RAB12: variants seen among roughly 807,000 people sequenced by gnomAD.
RAB12 encodes RAB12, member RAS oncogene family, also known as ras-related protein Rab-12.
A neutral mutation model predicts 28.4 loss-of-function variants in RAB12; 11 were observed. That is an observed-to-expected ratio of 0.39 (90% CI 0.24 to 0.64). RAB12 has a LOEUF of 0.64. RAB12 is among the 30% of genes least tolerant of loss of function. The pLI, the probability that RAB12 is intolerant of heterozygous loss-of-function variation, is 0.50. For missense variants in RAB12, 276 were observed against 351.1 expected, an observed-to-expected ratio of 0.79 and a Z score of 1.71; for synonymous variants, 138 against 145.3, an observed-to-expected ratio of 0.95 and a Z score of 0.36.
In RAB12 at chr18:8,609,642, A is replaced by G. The variant is rs2096002510; in HGVS notation, c.203A>G (p.Glu68Gly). 1 of 673,046 alleles carries G rather than the reference A, an allele frequency of 1.5e-6. No individual in the cohort carries two copies. Among genetic ancestry groups the G allele is most frequent in the Admixed American group, 6.6e-5 (1 of 15,208 alleles). The allele number at this position is 673,046 out of a possible 1,614,324, so 41.7% of individuals were successfully genotyped here. A position where few individuals can be genotyped will look rare whatever the true frequency, so the allele number is the denominator to read the frequency against. ...EPGADPPRAA[E>G]AEGAPGPGAR... ...GGGGCCGACCCCCCGCGCGCGGCGG[A>G]GGCCGAGGGGGCGCCGGGGCCCGGG... Residue 68 changes from glutamate to glycine, a missense_variant, in exon 1 of 6, where the codon GAG becomes GGG. By Grantham distance (98) the Glu-to-Gly change is moderately conservative. Coordinates refer to ENST00000649141, the MANE Select transcript of RAB12 (RefSeq NM_001025300.3).
intron 3 of RAB12, among the ~76,000 whole-genome samples, chr18:8,635,008 G>A (rs891938979): frequency 6.6e-6 from 1 of 152,160 alleles, no homozygotes; most frequent in African/African-American, 2.4e-5. Context: ...AAGCACAAAA[G>A]TAAAGAAGAA....
chr18:8,627,040 T>C (rs1429605039), intron 2 of RAB12, among the ~76,000 whole-genome samples: 1 of 152,260 alleles, frequency 6.6e-6, no homozygotes, highest in Non-Finnish European at 1.5e-5. Context: ...ATATTTTATT[T>C]AAAAGATGAA....
At position 8,639,144 on chromosome 18, in the gene RAB12, G is replaced by GTTTTTTTTTTTTTTTTTTTTT. The variant is rs1598315808; in HGVS notation, c.*884_*885insTTTTTTTTTTTTTTTTTTTTT. ...CTTATTCTGATTAAGCCTAGACTGT[G>GTTTTTTTTTTTTTTTTTTTTT]TTCTTTTTTTTTTTTTTTTTTTTTT... On this transcript the variant is annotated 3_prime_UTR_variant, in exon 6 of 6. Coordinates refer to ENST00000649141, the MANE Select transcript of RAB12 (RefSeq NM_001025300.3). The GTTTTTTTTTTTTTTTTTTTTT allele has an allele frequency of 4.2e-4, 7 of 16,584 alleles. No individual in the cohort carries two copies. Among genetic ancestry groups the GTTTTTTTTTTTTTTTTTTTTT allele is most frequent in the South Asian group, 2.2e-3 (1 of 448 alleles). 1.0% of individuals were successfully genotyped at this position (16,584 alleles called of 1,614,324 possible).
rs772197090 is a variant in RAB12 at position 8,638,376 on chromosome 18, G to T, written c.*114G>T. On this transcript the variant is annotated 3_prime_UTR_variant, in exon 6 of 6. Transcript: ENST00000649141. ...TTCGCACTTTGTAATCCAAGTCAGA[G>T]CTATACACTAACTTGTAAATATGCA... 28 of 711,726 alleles carry T rather than the reference G, an allele frequency of 3.9e-5. No individual in the cohort carries two copies. The highest frequency in any genetic ancestry group is 2.2e-4 in the Admixed American group (9 of 40,730). 44.1% of individuals were successfully genotyped at this position (711,726 alleles called of 1,614,324 possible).
chr18:8,612,255 C>T (rs899223702), intron 1 of RAB12, among the ~76,000 whole-genome samples: 9 of 152,204 alleles, frequency 5.9e-5, no homozygotes, highest in Non-Finnish European at 1.0e-4. Flanking sequence ...GAGGCCTGGT[C>T]AGAGAAGGCT....
chr18:8,619,237 A>G (rs974758496), intron 1 of RAB12, among the ~76,000 whole-genome samples: 3 of 152,332 alleles, frequency 2.0e-5, no homozygotes, highest in Non-Finnish European at 2.9e-5. Context: ...TGACCTGGGC[A>G]TGGAAGAAGA....
intron 1 of RAB12, chr18:8,610,220 T>G: frequency 5.4e-6 from 2 of 370,944 alleles, no homozygotes; most frequent in Non-Finnish European, 9.8e-6. Context: ...TGGGGGCGGC[T>G]CTCCACGGAA....
At chr18:8,613,149 G>A (rs1343196117) in intron 1 of RAB12, among the ~76,000 whole-genome samples, 1 of 148,566 alleles carries the variant, frequency 6.7e-6, no homozygotes, top group Non-Finnish European at 1.5e-5. Context: ...ATGAAAAACA[G>A]AGGTTGTATT....
Position 8,636,456 on chromosome 18 carries a change from A to G in RAB12, c.909+99A>G, listed in dbSNP as rs920207863. 1.1e-5 allele frequency: 8 copies of G among 745,898 alleles called. No individual in the cohort carries two copies. The Admixed American group carries it at 1.1e-4, about 10-fold the overall frequency. The allele number at this position is 745,898 out of a possible 1,614,324, so 46.2% of individuals were successfully genotyped here. On this transcript the variant is annotated intron_variant, in intron 5 of 5. Coordinates refer to ENST00000649141, the MANE Select transcript of RAB12 (RefSeq NM_001025300.3). ...GAATTTTGTATTTAGAAACCAAAAT[A>G]CAGTAGTTGTGCTCAGGCGCAAGAA...
At chr18:8,626,666 T>C (rs75153010) in intron 2 of RAB12, among the ~76,000 whole-genome samples, 18,273 of 152,240 alleles carry the variant, frequency 0.12, 1,310 homozygotes, top group Admixed American at 0.17. Flanking sequence ...GGAATCCCCC[T>C]CGGGGAGAAA....
intron 1 of RAB12, among the ~76,000 whole-genome samples, chr18:8,620,791 C>T (rs559274482): frequency 3.3e-5 from 5 of 151,904 alleles, no homozygotes; most frequent in Non-Finnish European, 7.4e-5. Flanking sequence ...AAAGAAGGAA[C>T]GATGTGATAT....
intron 1 of RAB12, among the ~76,000 whole-genome samples, chr18:8,621,173 A>G (rs2148708077): frequency 6.6e-6 from 1 of 152,322 alleles, no homozygotes; most frequent in African/African-American, 2.4e-5. Flanking sequence ...CTTCTGTAAC[A>G]GGAACTCTGT....
At chr18:8,629,827 C>G (rs896635910) in intron 2 of RAB12, among the ~76,000 whole-genome samples, 2 of 152,226 alleles carry the variant, frequency 1.3e-5, no homozygotes, top group East Asian at 3.8e-4. Context: ...CAGGAACTCC[C>G]TGCTGTGTGG....
At chr18:8,627,683 G>A (rs2096013607) in intron 2 of RAB12, among the ~76,000 whole-genome samples, 1 of 152,174 alleles carries the variant, frequency 6.6e-6, no homozygotes, top group Non-Finnish European at 1.5e-5. Flanking sequence ...GTGTTGAAAT[G>A]GACTTGAAGC....
At chr18:8,636,206 G>C (rs1351282724) in intron 4 of RAB12, 47 bp from the exon 5 acceptor site, 4 of 1,285,892 alleles carry the variant, frequency 3.1e-6, no homozygotes, top group Non-Finnish European at 4.5e-6. Context: ...TCGCACGCTG[G>C]TCTGTGAGGC....
At position 8,639,144 on chromosome 18, in the gene RAB12, GTTCTTTTTTTTTTTTTTTTTTTTTTTT is replaced by G. The variant is rs1250431689; in HGVS notation, c.*885_*911del. Reference sequence around the variant, plus strand: ...CTTATTCTGATTAAGCCTAGACTGTGTTCTTTTTTTTTTTTTTTTTTTTTTTTTTTTTTTTTTTTTTTTTTTTTGGTC... The same window carrying G: ...CTTATTCTGATTAAGCCTAGACTGTGTTTTTTTTTTTTTTTTTTTTTGGTC... On this transcript the variant is annotated 3_prime_UTR_variant, in exon 6 of 6. Transcript: ENST00000649141. 45 of 16,584 alleles carry G rather than the reference GTTCTTTTTTTTTTTTTTTTTTTTTTTT, an allele frequency of 2.7e-3. No individual in the cohort carries two copies. The highest frequency in any genetic ancestry group is 6.8e-3 in the African/African-American group (37 of 5,466). 1.0% of individuals were successfully genotyped at this position (16,584 alleles called of 1,614,324 possible).
intron 2 of RAB12, among the ~76,000 whole-genome samples, chr18:8,632,699 G>A (rs1274939066): frequency 6.6e-6 from 1 of 152,130 alleles, no homozygotes; most frequent in African/African-American, 2.4e-5. Context: ...AGTGGGTCAT[G>A]CATGTGTATC....
Position 8,624,960 on chromosome 18 carries a change from T to C in RAB12, c.537T>C (p.Thr179=), listed in dbSNP as rs1460179207. 1.2e-6 allele frequency: 2 copies of C among 1,604,730 alleles called. No individual in the cohort carries two copies. The highest frequency in any genetic ancestry group is 1.1e-5 in the South Asian group (1 of 90,524). The change falls in exon 2 of 6, where the codon ACT becomes ACC. Residue 179 remains threonine, a synonymous_variant. Coordinates refer to ENST00000649141, the MANE Select transcript of RAB12 (RefSeq NM_001025300.3). ...CAGGTGTTGACTTCAAAATCAAAAC[T>C]GTAGAGCTAAGAGGAAAGAAAATTA... ...STVGVDFKIK[T]VELRGKKIRL... is the part of the protein sequence containing the mutation.
chr18:8,635,829 G>A (rs1598314632), intron 4 of RAB12: 5 of 509,684 alleles, frequency 9.8e-6, no homozygotes, highest in African/African-American at 2.0e-5. Flanking sequence ...AAACACATCA[G>A]TGTATACAAC....
Sources: allele counts gnomAD v4.1 joint callset (sites outside exome capture counted in the v4.1 genomes callset), GRCh38; gene constraint gnomAD v4.1.1; transcripts MANE v1.5; gene names NCBI Gene and HGNC (gene_info 2026-07-23, HGNC 2026-07-21).